Variants in LRBA observed in about 807,000 individuals in gnomAD.
LRBA encodes LPS responsive beige-like anchor protein.
A neutral mutation model predicts 330.0 loss-of-function variants in LRBA; 176 were observed. The observed-to-expected ratio is 0.53, with a 90% CI of 0.47 to 0.60. The LOEUF (loss-of-function observed/expected upper bound fraction) is 0.60, where lower values mean the gene tolerates loss of function less well. Among genes scored for constraint, LRBA ranks in the 20% least tolerant of loss-of-function variants. LRBA has a pLI of 0.00. For synonymous variants in LRBA, 1,230 were observed against 1,193.0 expected (o/e 1.03, Z -0.64); for missense variants, 3,259 against 3,444.8 (o/e 0.95, Z 1.35).
At chr4:150,759,845 G>A (rs1337736371) in intron 35 of LRBA, among the ~76,000 whole-genome samples, 1 of 152,226 alleles carries the variant, frequency 6.6e-6, no homozygotes, top group East Asian at 1.9e-4. Flanking sequence ...AAAAGCGCTT[G>A]TCAAGTATCA....
rs545786448 is a variant in LRBA, at chr4:150,799,859, C to G, written c.5519-1717G>C. On this transcript the variant is annotated intron_variant, in intron 33 of 56. Coordinates refer to ENST00000651943, the MANE Select transcript of LRBA (RefSeq NM_001364905.1). ...TCCCAGGTTCAATCAATTCTCCTGC[C>G]TCAGCCACCCGAGTAGCTGGAATTA... is the stretch of plus-strand genomic sequence containing the variant. Among the ~76,000 whole-genome samples the G allele has an allele frequency of 1.8e-4, 28 of 152,318 alleles. No individual in the cohort carries two copies. In the South Asian group the frequency reaches 2.7e-3, roughly 15 times the overall value.
intron 40 of LRBA, among the ~76,000 whole-genome samples, chr4:150,544,177 G>A (rs978269545): frequency 1.3e-5 from 2 of 151,712 alleles, no homozygotes; most frequent in African/African-American, 4.8e-5. Flanking sequence ...GCCCAGACTG[G>A]AGTGCAGTGG....
At position 150,962,810 on chromosome 4, in the gene LRBA, C is replaced by T. The variant is rs553927805; in HGVS notation, c.217-33745G>A. Among the ~76,000 whole-genome samples the T allele has an allele frequency of 1.8e-3, 260 of 147,328 alleles. 38 individuals carry two copies. Among genetic ancestry groups the T allele is most frequent in the African/African-American group, 6.5e-3 (242 of 37,346 alleles). On this transcript the variant is annotated intron_variant, in intron 2 of 56. Transcript: ENST00000651943. ...CTCTACTAAAAATATAAAAATTAGC[C>T]GGGCGTGGTGGCATGTGCCTATAAT...
At chr4:150,459,280 A>G (rs2152045923) in intron 44 of LRBA, among the ~76,000 whole-genome samples, 1 of 152,018 alleles carries the variant, frequency 6.6e-6, no homozygotes, top group African/African-American at 2.4e-5. Flanking sequence ...TGGTGTTCTC[A>G]TATCAGAAAC....
At chr4:150,944,266 T>G (rs1044626373) in intron 2 of LRBA, among the ~76,000 whole-genome samples, 2 of 152,218 alleles carry the variant, frequency 1.3e-5, no homozygotes, top group African/African-American at 4.8e-5. Context: ...AAATCAGTAA[T>G]TGGGGAAAAC....
chr4:150,634,547 T>C (rs945292120), intron 37 of LRBA, among the ~76,000 whole-genome samples: 7 of 152,360 alleles, frequency 4.6e-5, no homozygotes, highest in African/African-American at 1.4e-4. Flanking sequence ...AGAAGGTAAC[T>C]ATAAATTCAA....
intron 37 of LRBA, among the ~76,000 whole-genome samples, chr4:150,664,151 G>T (rs1475219548): frequency 6.6e-6 from 1 of 152,136 alleles, no homozygotes; most frequent in African/African-American, 2.4e-5. Flanking sequence ...TACTAGGAAG[G>T]CTGCAATAGC....
Position 150,735,271 on chromosome 4 carries a change from T to G in LRBA, c.5741A>C (p.His1914Pro). The G allele has an allele frequency of 1.2e-6, 2 of 1,613,128 alleles. No homozygotes were observed. Among genetic ancestry groups the G allele is most frequent in the Non-Finnish European group, 1.7e-6 (2 of 1,179,132 alleles). Reference protein sequence around the residue: ...SRQRAEDIHRHAEFESLCAQY... With the variant: ...SRQRAEDIHRPAEFESLCAQY... ...TGTGTAACCTACCTCAAATTCCGCA[T>G]GTCTGTGAATATCTTCTGCTCTCTG... Residue 1914 changes from histidine (H) to proline (P), a missense_variant, in exon 36 of 57, where the codon CAT becomes CCT. By Grantham distance (77) the His-to-Pro change is moderately conservative. Coordinates refer to ENST00000651943, the MANE Select transcript of LRBA (RefSeq NM_001364905.1).
intron 46 of LRBA, among the ~76,000 whole-genome samples, chr4:150,420,442 C>CACATTATAGTATAAAGT (rs1748559618): frequency 9.9e-6 from 1 of 101,194 alleles, no homozygotes; most frequent in African/African-American, 3.7e-5. Flanking sequence ...ATATATAATA[C>CACATTATAGTATAAAGT]ATATATAATA....
intron 2 of LRBA, among the ~76,000 whole-genome samples, chr4:150,979,121 A>C (rs1215655336): frequency 1.3e-5 from 2 of 152,204 alleles, no homozygotes; most frequent in African/African-American, 2.4e-5. Flanking sequence ...AATAATAAGG[A>C]AAGGATCCTA....
intron 38 of LRBA, among the ~76,000 whole-genome samples, chr4:150,595,026 A>C (rs1222999360): frequency 1.3e-5 from 2 of 152,020 alleles, no homozygotes; most frequent in African/African-American, 4.8e-5. Flanking sequence ...TTTTTAAAAA[A>C]GACTACTATT....
intron 42 of LRBA, among the ~76,000 whole-genome samples, chr4:150,477,489 C>A (rs558931633): frequency 6.6e-6 from 1 of 152,152 alleles, no homozygotes; most frequent in South Asian, 2.1e-4. Context: ...ACCATCAGAT[C>A]TCATGAGAAC....
chr4:150,854,134 T>C (rs1469578572), intron 22 of LRBA, among the ~76,000 whole-genome samples: 2 of 152,184 alleles, frequency 1.3e-5, no homozygotes, highest in East Asian at 1.9e-4. Flanking sequence ...ACTCATGACA[T>C]ATACAGAACA....
chr4:150,506,799 C>T (rs2152124190), intron 40 of LRBA, among the ~76,000 whole-genome samples: 1 of 152,332 alleles, frequency 6.6e-6, no homozygotes, highest in African/African-American at 2.4e-5. Context: ...CCCCTGTTTG[C>T]AGATGACATG....
rs547127043 is a variant in LRBA at position 150,419,756 on chromosome 4, G to C, written c.7042-4166C>G. Among the ~76,000 whole-genome samples, 5 of 148,810 alleles carry C rather than the reference G, an allele frequency of 3.4e-5. No homozygotes were observed. In the South Asian group the frequency reaches 1.1e-3, roughly 32 times the overall value. On this transcript the variant is annotated intron_variant, in intron 46 of 56. Transcript: ENST00000651943. The stretch of plus-strand genomic sequence containing the variant: ...GAGTTCAAGCGATTCTCATGCCTCA[G>C]CTTCCTTAGTAGCTGAGATTATAGG...
At chr4:150,787,275 T>G (rs1252859941) in intron 34 of LRBA, among the ~76,000 whole-genome samples, 1 of 152,172 alleles carries the variant, frequency 6.6e-6, no homozygotes, top group Non-Finnish European at 1.5e-5. Context: ...CAACCTACTT[T>G]GCTCTGTAAA....
intron 34 of LRBA, among the ~76,000 whole-genome samples, chr4:150,773,965 A>G (rs185585982): frequency 1.3e-5 from 2 of 152,336 alleles, no homozygotes; most frequent in Admixed American, 1.3e-4. Flanking sequence ...AGTGAACAGT[A>G]ACCCTGGTAA....
chr4:150,821,825 A>C (rs1007099365), intron 30 of LRBA, among the ~76,000 whole-genome samples: 1 of 152,194 alleles, frequency 6.6e-6, no homozygotes, highest in Non-Finnish European at 1.5e-5. Flanking sequence ...GAATTTTGGC[A>C]TGGGAATGAA....
chr4:150,518,830 T>C (rs1762629062), intron 40 of LRBA, among the ~76,000 whole-genome samples: 2 of 152,128 alleles, frequency 1.3e-5, no homozygotes, highest in Admixed American at 1.3e-4. Context: ...ACTTTTTTCT[T>C]ACCCATCTCT....
Sources: gnomAD v4.1 joint callset for allele counts (sites outside exome capture counted in the v4.1 genomes callset) on GRCh38, gnomAD v4.1.1 for gene constraint, MANE v1.5 for transcripts, NCBI Gene and HGNC (gene_info 2026-07-23, HGNC 2026-07-21) for gene names.